The following CLTB variants were observed in gnomAD, a reference collection of about 807,000 sequenced individuals.
CLTB encodes the protein clathrin light chain B.
CLTB carries 10 observed loss-of-function variants against 30.5 expected under a neutral mutation model. The observed-to-expected ratio is 0.33, with a 90% CI of 0.20 to 0.56. CLTB has a LOEUF of 0.56. Ranked by LOEUF, CLTB falls within the 20% of genes least tolerant of loss-of-function variation. The pLI is 0.91. For missense variants in CLTB, 261 were observed against 308.3 expected (o/e 0.85, Z 1.15); for synonymous variants, 102 against 120.3 (o/e 0.85, Z 1.00).
chr5:176,395,646 C>A (rs765833940), intron 5 of CLTB, among the ~76,000 whole-genome samples: 13 of 152,162 alleles, frequency 8.5e-5, no homozygotes, highest in Non-Finnish European at 1.2e-4. Context: ...TTTGCCAACC[C>A]TGGTCTTGAT....
At chr5:176,405,333 T>A (rs1376664193) in intron 2 of CLTB, among the ~76,000 whole-genome samples, 1 of 150,724 alleles carries the variant, frequency 6.6e-6, no homozygotes, top group East Asian at 2.0e-4. Context: ...CATAAAAAAA[T>A]TAAAAAATTA....
intron 2 of CLTB, chr5:176,406,722 G>A: frequency 7.8e-7 from 1 of 1,281,564 alleles, no homozygotes; most frequent in Non-Finnish European, 1.0e-6. Context: ...CAGAAAAGAG[G>A]AAGAAAGGAA....
chr5:176,398,115 T>G (rs1390313539), intron 2 of CLTB, 68 bp from the exon 3 acceptor site: 27 of 1,421,188 alleles, frequency 1.9e-5, no homozygotes, highest in Middle Eastern at 3.5e-4. Context: ...CTGCCCCTGC[T>G]GGGGACCCAC....
In CLTB at chr5:176,394,593, G is replaced by A. The variant is rs372879204; in HGVS notation, c.519-1648C>T. 7.4e-5 allele frequency among the ~76,000 whole-genome samples: 11 copies of A among 148,478 alleles called. No individual in the cohort carries two copies. The South Asian group carries it at 8.3e-4, about 11-fold the overall frequency. ...AGCACTTTGGGAGGCCAAGGTGGGC[G>A]GATCACGAGGTCAGATGGAGAGCAT... On this transcript the variant is annotated intron_variant, in intron 5 of 5. Coordinates refer to ENST00000310418, the MANE Select transcript of CLTB (RefSeq NM_007097.5).
At chr5:176,408,771 T>C (rs962960322) in intron 2 of CLTB, among the ~76,000 whole-genome samples, 1 of 152,236 alleles carries the variant, frequency 6.6e-6, no homozygotes, top group Non-Finnish European at 1.5e-5. Flanking sequence ...TCTTCTCACT[T>C]TGGCCTCCCA....
chr5:176,395,652 T>C lies in CLTB; in HGVS notation c.518+827A>G, dbSNP rs572945241. ...TATAACCTGTTTGCCAACCCTGGTC[T>C]TGATTACTCATCACACCAAGTAGAC... On this transcript the variant is annotated intron_variant, in intron 5 of 5. Transcript: ENST00000310418. Among the ~76,000 whole-genome samples the C allele has an allele frequency of 2.0e-5, 3 of 152,190 alleles. No homozygotes were observed. The South Asian group carries it at 6.2e-4, about 32-fold the overall frequency.
intron 2 of CLTB, among the ~76,000 whole-genome samples, chr5:176,402,118 C>T (rs775861508): frequency 5.3e-5 from 8 of 152,092 alleles, no homozygotes; most frequent in East Asian, 1.9e-4. Flanking sequence ...CCCTGGGCAA[C>T]GTGGTAAAAC....
Position 176,401,995 on chromosome 5 carries a change from T to C in CLTB, c.235-3948A>G, listed in dbSNP as rs139583161. On this transcript the variant is annotated intron_variant, in intron 2 of 5. Coordinates refer to ENST00000310418, the MANE Select transcript of CLTB (RefSeq NM_007097.5). ...TTCGGAGTCTAAATCCGATTTATCA[T>C]GTCACACTTTAAAATATCCAAAGGC... The C allele has an allele frequency of 2.1e-3, 669 of 320,110 alleles. 4 individuals carry two copies. The highest frequency in any genetic ancestry group is 0.013 in the African/African-American group (609 of 46,124). 19.8% of individuals were successfully genotyped at this position (320,110 alleles called of 1,614,324 possible).
intron 1 of CLTB, among the ~76,000 whole-genome samples, chr5:176,414,192 C>T (rs1411626101): frequency 1.3e-5 from 2 of 152,192 alleles, no homozygotes; most frequent in African/African-American, 4.8e-5. Context: ...CCCCAACAGG[C>T]CCCAGTGAGC....
intron 1 of CLTB, among the ~76,000 whole-genome samples, chr5:176,412,153 G>A (rs997289320): frequency 6.7e-5 from 10 of 148,648 alleles, no homozygotes; most frequent in Non-Finnish European, 1.3e-4. Context: ...TCCAGCCTGG[G>A]CGACAGAGTG....
At chr5:176,398,634 C>T (rs1756667641) in intron 2 of CLTB, among the ~76,000 whole-genome samples, 1 of 151,826 alleles carries the variant, frequency 6.6e-6, no homozygotes, top group Admixed American at 6.6e-5. Flanking sequence ...ATCACTTGAA[C>T]CCGGGAGGCA....
In CLTB at chr5:176,410,413, T is replaced by C; in HGVS notation, c.188-110A>G. ...AACTCTGTGTATACCCATGTATATA[T>C]CGACCCACATGCAAACAGACATAAT... On this transcript the variant is annotated intron_variant, in intron 1 of 5. Coordinates refer to ENST00000310418, the MANE Select transcript of CLTB (RefSeq NM_007097.5). 3.8e-6 allele frequency: 3 copies of C among 779,676 alleles called. No homozygotes were observed. The South Asian group carries it at 4.9e-5, about 13-fold the overall frequency. The allele number at this position is 779,676 out of a possible 1,614,324, so 48.3% of individuals were successfully genotyped here.
chr5:176,403,757 T>TTG (rs1202870072), intron 2 of CLTB, among the ~76,000 whole-genome samples: 1 of 150,494 alleles, frequency 6.6e-6, no homozygotes, highest in Non-Finnish European at 1.5e-5. Flanking sequence ...CGGCCTGTTT[T>TTG]TGTGTGTGTG....
intron 1 of CLTB, among the ~76,000 whole-genome samples, chr5:176,413,174 G>C (rs1412663826): frequency 6.6e-6 from 1 of 151,964 alleles, no homozygotes; most frequent in Non-Finnish European, 1.5e-5. Flanking sequence ...CTACCACCGG[G>C]AGTCCACACT....
chr5:176,399,810 G>A (rs900241285), intron 2 of CLTB, among the ~76,000 whole-genome samples: 15 of 151,028 alleles, frequency 9.9e-5, no homozygotes, highest in South Asian at 2.1e-4. Context: ...CCTGGGAGGC[G>A]AAGATTGCAG....
intron 2 of CLTB, among the ~76,000 whole-genome samples, chr5:176,409,406 C>CTTTTTTTTTT (rs34831947): frequency 1.3e-5 from 1 of 79,654 alleles, no homozygotes; most frequent in East Asian, 3.8e-4. Context: ...TCTGATTGCC[C>CTTTTTTTTTT]TTTTTTTTTT....
At chr5:176,412,954 C>A (rs560642670) in intron 1 of CLTB, among the ~76,000 whole-genome samples, 1 of 152,138 alleles carries the variant, frequency 6.6e-6, no homozygotes, top group African/African-American at 2.4e-5. Flanking sequence ...ATTTGCACCA[C>A]CCTACTCCGC....
At chr5:176,397,789 T>C (rs568275000) in intron 3 of CLTB, 71 bp from the exon 4 acceptor site, 1 of 1,530,736 alleles carries the variant, frequency 6.5e-7, no homozygotes, top group African/African-American at 1.4e-5. Context: ...GCTCCTCCCC[T>C]GGCCCCTGCC....
At chr5:176,410,341 T>C (rs372944235) in intron 1 of CLTB, 38 bp from the exon 2 acceptor site, 104 of 1,589,598 alleles carry the variant, frequency 6.5e-5, no homozygotes, top group Non-Finnish European at 8.4e-5. Context: ...ACTCACTGTT[T>C]AGCTTATAGC....
Sources: allele counts gnomAD v4.1 joint callset (sites outside exome capture counted in the v4.1 genomes callset), GRCh38; gene constraint gnomAD v4.1.1; transcripts MANE v1.5; gene names NCBI Gene and HGNC (gene_info 2026-07-23, HGNC 2026-07-21).